The following LRFN5 variants were observed in gnomAD, a reference collection of about 807,000 sequenced individuals.
The protein encoded by LRFN5 is leucine rich repeat and fibronectin type III domain containing 5.
In LRFN5, 24 loss-of-function variants were observed where a neutral mutation model predicts 45.6. That is an observed-to-expected ratio of 0.53 (90% CI 0.38 to 0.74). LRFN5 has a LOEUF of 0.74. Ranked by LOEUF, LRFN5 falls within the 30% of genes least tolerant of loss-of-function variation. LRFN5 has a pLI of 0.00. For synonymous variants in LRFN5, 340 were observed against 313.8 expected (o/e 1.08, Z -0.88); for missense variants, 776 against 861.5 (o/e 0.90, Z 1.24).
At chr14:41,830,270 T>TTC (rs1387806255) in intron 2 of LRFN5, among the ~76,000 whole-genome samples, 1 of 151,984 alleles carries the variant, frequency 6.6e-6, no homozygotes, top group African/African-American at 2.4e-5. Flanking sequence ...ATTGCAAAAT[T>TTC]TCTCTTTCTG....
intron 1 of LRFN5, among the ~76,000 whole-genome samples, chr14:41,644,801 GA>G (rs745781381): frequency 3.0e-4 from 45 of 152,294 alleles, no homozygotes; most frequent in Non-Finnish European, 5.4e-4. Flanking sequence ...GATGGATGCA[GA>G]AATTCTGGGA....
intron 2 of LRFN5, among the ~76,000 whole-genome samples, chr14:41,769,114 A>T (rs775582675): frequency 2.0e-5 from 3 of 152,044 alleles, no homozygotes; most frequent in African/African-American, 4.8e-5. Flanking sequence ...CACGTTCCTA[A>T]TTAGGTTTGT....
intron 2 of LRFN5, among the ~76,000 whole-genome samples, chr14:41,805,095 A>G (rs1303698994): frequency 1.3e-5 from 2 of 151,760 alleles, no homozygotes; most frequent in East Asian, 3.9e-4. Flanking sequence ...TACAGAAGAA[A>G]AGTAATAAAT....
At chr14:41,900,656 T>C (rs1891074886) in intron 5 of LRFN5, among the ~76,000 whole-genome samples, 1 of 152,180 alleles carries the variant, frequency 6.6e-6, no homozygotes. Context: ...TCAGTGGCCA[T>C]ACATCACTCA....
At chr14:41,793,179 G>T (rs1886994347) in intron 2 of LRFN5, among the ~76,000 whole-genome samples, 1 of 151,754 alleles carries the variant, frequency 6.6e-6, no homozygotes, top group South Asian at 2.1e-4. Context: ...AGTATTACTT[G>T]AGAACTGATA....
At chr14:41,743,145 C>T (rs1433747680) in intron 1 of LRFN5, among the ~76,000 whole-genome samples, 1 of 152,132 alleles carries the variant, frequency 6.6e-6, no homozygotes, top group Non-Finnish European at 1.5e-5. Flanking sequence ...ATTGTTCATG[C>T]ATATCCTTGC....
chr14:41,840,415 T>C (rs889665618), intron 2 of LRFN5, among the ~76,000 whole-genome samples: 8 of 152,078 alleles, frequency 5.3e-5, no homozygotes, highest in African/African-American at 1.9e-4. Context: ...CTGAAGGCTA[T>C]TTAGGCAACA....
chr14:41,870,284 G>A (rs1261025431), intron 2 of LRFN5, among the ~76,000 whole-genome samples: 1 of 152,090 alleles, frequency 6.6e-6, no homozygotes, highest in African/African-American at 2.4e-5. Flanking sequence ...TCTAACTTCA[G>A]GAAAAATACC....
At chr14:41,820,346 T>G (rs973458620) in intron 2 of LRFN5, among the ~76,000 whole-genome samples, 1 of 152,114 alleles carries the variant, frequency 6.6e-6, no homozygotes, top group African/African-American at 2.4e-5. Context: ...TATCCTATTA[T>G]TCTAGCACCA....
intron 2 of LRFN5, among the ~76,000 whole-genome samples, chr14:41,833,898 T>C (rs960417481): frequency 6.6e-6 from 1 of 152,222 alleles, no homozygotes; most frequent in African/African-American, 2.4e-5. Context: ...TGAAGTTCAG[T>C]ATTTACTTAT....
chr14:41,781,310 C>A (rs1335268155), intron 2 of LRFN5, among the ~76,000 whole-genome samples: 2 of 151,830 alleles, frequency 1.3e-5, no homozygotes, highest in Non-Finnish European at 2.9e-5. Flanking sequence ...TTGCTTGAGG[C>A]CAGGAGTTCA....
At chr14:41,639,302 A>G (rs1182459753) in intron 1 of LRFN5, among the ~76,000 whole-genome samples, 1 of 152,110 alleles carries the variant, frequency 6.6e-6, no homozygotes, top group African/African-American at 2.4e-5. Flanking sequence ...ACTCTAATTT[A>G]GAAGTCACAT....
At chr14:41,890,969 T>G (rs890604609) in intron 3 of LRFN5, among the ~76,000 whole-genome samples, 5 of 152,190 alleles carry the variant, frequency 3.3e-5, no homozygotes, top group Admixed American at 6.5e-5. Context: ...CATCAATGTT[T>G]TTTTAGCAGT....
At chr14:41,811,863 C>T (rs1887747448) in intron 2 of LRFN5, among the ~76,000 whole-genome samples, 1 of 151,974 alleles carries the variant, frequency 6.6e-6, no homozygotes, top group South Asian at 2.1e-4. Context: ...GGTTATTGTA[C>T]AACTACATTA....
intron 1 of LRFN5, among the ~76,000 whole-genome samples, chr14:41,674,994 C>G (rs1358350138): frequency 2.0e-5 from 3 of 151,456 alleles, no homozygotes. Context: ...CTCCCCACAT[C>G]TCAGACGATG....
At chr14:41,640,705 T>G (rs1208557254) in intron 1 of LRFN5, among the ~76,000 whole-genome samples, 1 of 152,116 alleles carries the variant, frequency 6.6e-6, no homozygotes. Context: ...GCTTCCTTAT[T>G]TGCAAAAACT....
chr14:41,720,969 T>C (rs1883690090), intron 1 of LRFN5, among the ~76,000 whole-genome samples: 1 of 152,114 alleles, frequency 6.6e-6, no homozygotes, highest in Admixed American at 6.5e-5. Flanking sequence ...TATCTAATGT[T>C]GTCAGTAGGG....
chr14:41,747,342 TAC>T (rs995389730), intron 1 of LRFN5, among the ~76,000 whole-genome samples: 8 of 144,252 alleles, frequency 5.5e-5, no homozygotes, highest in African/African-American at 2.1e-4. Flanking sequence ...CAAACATATA[TAC>T]CTATGAAATG....
At chr14:41,847,581 C>T (rs901949763) in intron 2 of LRFN5, among the ~76,000 whole-genome samples, 4 of 151,926 alleles carry the variant, frequency 2.6e-5, no homozygotes, top group Non-Finnish European at 5.9e-5. Flanking sequence ...TTTGATTATG[C>T]TCTCACTATA....
Sources: gnomAD v4.1 joint callset for allele counts (sites outside exome capture counted in the v4.1 genomes callset) on GRCh38, gnomAD v4.1.1 for gene constraint, MANE v1.5 for transcripts, NCBI Gene and HGNC (gene_info 2026-07-23, HGNC 2026-07-21) for gene names.